Variants in GNA11 observed in about 807,000 individuals in gnomAD.
GNA11 encodes the protein G protein subunit alpha 11, also known as guanine nucleotide-binding protein subunit alpha-11.
A neutral mutation model predicts 38.2 loss-of-function variants in GNA11; 8 were observed. The ratio of observed to expected loss-of-function variants is 0.21; its 90% confidence interval spans 0.12 to 0.38. GNA11 has a LOEUF of 0.38. Ranked by LOEUF, GNA11 falls within the 10% of genes least tolerant of loss-of-function variation. GNA11 has a pLI of 1.00. For synonymous variants in GNA11, 211 were observed against 221.4 expected (o/e 0.95, Z 0.42); for missense variants, 268 against 516.3 (o/e 0.52, Z 4.66).
chr19:3,099,140 C>T (rs1311318798), intron 1 of GNA11, among the ~76,000 whole-genome samples: 2 of 152,118 alleles, frequency 1.3e-5, no homozygotes, highest in Non-Finnish European at 1.5e-5. Context: ...CTGGGCAGCA[C>T]GGGGAGGACG....
chr19:3,100,504 C>T (rs116971882), intron 1 of GNA11, among the ~76,000 whole-genome samples: 1 of 152,234 alleles, frequency 6.6e-6, no homozygotes, highest in Non-Finnish European at 1.5e-5. Context: ...AGGCAGATCA[C>T]GCAGGGAAGT....
intron 2 of GNA11, among the ~76,000 whole-genome samples, 166 bp from the exon 3 acceptor site, chr19:3,113,164 G>T (rs76628104): frequency 6.6e-6 from 1 of 152,246 alleles, no homozygotes; most frequent in African/African-American, 2.4e-5. Context: ...AGGCGGCCTC[G>T]CGTTTTTCTG....
At chr19:3,103,519 CT>C (rs760497682) in intron 1 of GNA11, among the ~76,000 whole-genome samples, 1,512 of 45,836 alleles carry the variant, frequency 0.033, 176 homozygotes, top group African/African-American at 0.097. Context: ...GGCCTTGAAT[CT>C]TTTTTTTTTT....
intron 1 of GNA11, among the ~76,000 whole-genome samples, chr19:3,109,942 C>T (rs1292126184): frequency 6.6e-6 from 1 of 152,140 alleles, no homozygotes; most frequent in Non-Finnish European, 1.5e-5. Context: ...CAGTAAGACC[C>T]TGGCTTGGTG....
intron 1 of GNA11, among the ~76,000 whole-genome samples, chr19:3,102,421 C>A (rs992378553): frequency 6.6e-6 from 1 of 152,222 alleles, no homozygotes; most frequent in African/African-American, 2.4e-5. Flanking sequence ...CTTTCTTGAG[C>A]CTCAGCAGCG....
rs1376341794 is a variant in GNA11 at position 3,110,305 on chromosome 19, A to G, written c.293A>G (p.Lys98Arg). 30 of 1,613,972 alleles carry G rather than the reference A, an allele frequency of 1.9e-5. No individual in the cohort carries two copies. Among genetic ancestry groups the G allele is most frequent in the Non-Finnish European group, 2.5e-5 (30 of 1,179,904 alleles). Residue 98 changes from lysine (K) to arginine (R), a missense_variant, in exon 2 of 7, where the codon AAG (lysine) becomes AGG (arginine). Around this residue, in one of 3 missense-constraint regions of GNA11, gnomAD observed 151 missense variants for 254.0 expected, o/e 0.59. Coordinates refer to ENST00000078429, the MANE Select transcript of GNA11 (RefSeq NM_002067.5). This position sits in a 1 kb window ranked among gnomAD's most constrained non-coding sequence, Gnocchi z 5.4. ...QAMIRAMETL[K>R]ILYKYEQNKA... ...ATGATCCGGGCCATGGAGACGCTCAAGATCCTCTACAAGTACGAGCAGAAC... is the reference window on the plus strand; with the variant it reads ...ATGATCCGGGCCATGGAGACGCTCAGGATCCTCTACAAGTACGAGCAGAAC...
chr19:3,107,945 G>A (rs1221349694), intron 1 of GNA11, among the ~76,000 whole-genome samples: 3 of 152,228 alleles, frequency 2.0e-5, no homozygotes, highest in African/African-American at 7.2e-5. Flanking sequence ...CACTCCTCCT[G>A]TCCTGGAACT....
In GNA11 at chr19:3,119,141, C is replaced by T. The variant is rs1409434738; in HGVS notation, c.736-65C>T. On this transcript the variant is annotated intron_variant, in intron 5 of 6. Transcript: ENST00000078429. This position sits in a 1 kb window ranked among gnomAD's most constrained non-coding sequence, Gnocchi z 4.6. ...GGTCCCCTCACCTGGGTCCCCCCAG[C>T]TGCCCCTTGGGCTGTGTGCAGTGGG... The T allele has an allele frequency of 6.2e-7, 1 of 1,603,398 alleles. No homozygotes were observed. The highest frequency in any genetic ancestry group is 8.5e-7 in the Non-Finnish European group (1 of 1,171,774).
At chr19:3,099,792 G>A (rs1278332373) in intron 1 of GNA11, among the ~76,000 whole-genome samples, 3 of 152,202 alleles carry the variant, frequency 2.0e-5, no homozygotes, top group Non-Finnish European at 2.9e-5. Flanking sequence ...GCGCTTTCAG[G>A]ACAGCACTGG....
In GNA11 at chr19:3,123,912, T is replaced by G. The variant is rs1349951926; in HGVS notation, c.*2733T>G. The G allele has an allele frequency of 8.6e-6, 2 of 232,156 alleles. No homozygotes were observed. Among genetic ancestry groups the G allele is most frequent in the Non-Finnish European group, 1.7e-5 (2 of 117,392 alleles). The allele number at this position is 232,156 out of a possible 1,614,324, so 14.4% of individuals were successfully genotyped here. A position where few individuals can be genotyped will look rare whatever the true frequency, so the allele number is the denominator to read the frequency against. ...CTCCCACAGCCACCGGCCCTGACCC[T>G]TAATCCAGACACCGATGGAAGTCGA... On this transcript the variant is annotated 3_prime_UTR_variant, in exon 7 of 7. Transcript: ENST00000078429.
chr19:3,097,327 C>T (rs1327837301), intron 1 of GNA11, among the ~76,000 whole-genome samples: 1 of 152,166 alleles, frequency 6.6e-6, no homozygotes, highest in East Asian at 1.9e-4. Flanking sequence ...TTCTTTCCTC[C>T]CCTGCCCCTT....
rs2145318347 is a variant in GNA11 at position 3,113,306 on chromosome 19, C to T, written c.322-24C>T. Reference sequence around the variant, plus strand: ...ATGTGTGGCCCCAGCGAGCTCTCGACGTCTCCCCTGCCCGCCCTCGCAGGC... The same window carrying T: ...ATGTGTGGCCCCAGCGAGCTCTCGATGTCTCCCCTGCCCGCCCTCGCAGGC... On this transcript the variant is annotated intron_variant, in intron 2 of 6. Coordinates refer to ENST00000078429, the MANE Select transcript of GNA11 (RefSeq NM_002067.5). The T allele has an allele frequency of 1.9e-6, 3 of 1,611,326 alleles. No homozygotes were observed. The South Asian group carries it at 3.3e-5, about 18-fold the overall frequency.
intron 1 of GNA11, among the ~76,000 whole-genome samples, chr19:3,100,981 T>C (rs1913488957): frequency 6.6e-6 from 1 of 152,104 alleles, no homozygotes. Context: ...GGCGTCCACA[T>C]GGGGACCCCA....
At chr19:3,101,791 G>A (rs537709904) in intron 1 of GNA11, among the ~76,000 whole-genome samples, 4 of 152,262 alleles carry the variant, frequency 2.6e-5, no homozygotes, top group East Asian at 1.9e-4. Context: ...GTGAGGAGAC[G>A]GGAGCTTAGA....
Position 3,094,872 on chromosome 19 carries a change from CG to C in GNA11, c.136+89del. 1.9e-6 allele frequency: 2 copies of C among 1,054,824 alleles called. No individual in the cohort carries two copies. The highest frequency in any genetic ancestry group is 2.5e-6 in the Non-Finnish European group (2 of 785,268). 65.3% of individuals were successfully genotyped at this position (1,054,824 alleles called of 1,614,324 possible). A position where few individuals can be genotyped will look rare whatever the true frequency, so the allele number is the denominator to read the frequency against. Reference sequence around the variant, plus strand: ...CTGTCCGGGTCGGGCCGGGACCCTCCGGGGTCAGCCCTGCCTGTGCCGTCCG... The same window carrying C: ...CTGTCCGGGTCGGGCCGGGACCCTCCGGGTCAGCCCTGCCTGTGCCGTCCG... On this transcript the variant is annotated intron_variant, in intron 1 of 6. Transcript: ENST00000078429. The surrounding 1 kb of genome is among the most constrained non-coding windows in gnomAD (Gnocchi z 6.0).
intron 1 of GNA11, among the ~76,000 whole-genome samples, chr19:3,098,172 C>T (rs1028319899): frequency 3.9e-5 from 6 of 152,244 alleles, no homozygotes; most frequent in African/African-American, 1.2e-4. Context: ...GTTTTATACC[C>T]GTGGTATTCC....
chr19:3,107,737 G>C (rs1913672945), intron 1 of GNA11, among the ~76,000 whole-genome samples: 1 of 152,192 alleles, frequency 6.6e-6, no homozygotes, highest in Non-Finnish European at 1.5e-5. Context: ...CTGAGATGGA[G>C]TGGGTGGGGG....
chr19:3,100,324 C>T (rs546768432), intron 1 of GNA11, among the ~76,000 whole-genome samples: 1 of 152,224 alleles, frequency 6.6e-6, no homozygotes, highest in Non-Finnish European at 1.5e-5. Flanking sequence ...CCCCAGACAT[C>T]GCCTAGTGTC....
Position 3,108,953 on chromosome 19 carries a change from G to A in GNA11, c.137-1196G>A, listed in dbSNP as rs910226303. ...TGCTTGAGGGTCCTCACAGCGTGGC[G>A]GCTGCCTACCCCAGAGCCCCTGACC... On this transcript the variant is annotated intron_variant, in intron 1 of 6. Transcript: ENST00000078429. The surrounding 1 kb of genome is among the most constrained non-coding windows in gnomAD (Gnocchi z 4.5). Among the ~76,000 whole-genome samples, 1 of 152,216 alleles carries A rather than the reference G, an allele frequency of 6.6e-6. No homozygotes were observed. The highest frequency in any genetic ancestry group is 1.5e-5 in the Non-Finnish European group (1 of 68,040).
Sources: gnomAD v4.1 joint callset for allele counts (sites outside exome capture counted in the v4.1 genomes callset) on GRCh38, gnomAD v4.1.1 for gene constraint, gnomAD v4.1.1 regional missense constraint, Gnocchi (gnomAD v3.1) non-coding constraint, MANE v1.5 for transcripts, NCBI Gene and HGNC (gene_info 2026-07-23, HGNC 2026-07-21) for gene names.